The following ARHGEF4 variants were observed in gnomAD, a reference collection of about 807,000 sequenced individuals.
ARHGEF4 encodes Rho guanine nucleotide exchange factor 4.
A neutral mutation model predicts 162.0 loss-of-function variants in ARHGEF4; 119 were observed. The ratio of observed to expected loss-of-function variants is 0.73; its 90% CI spans 0.63 to 0.86. The LOEUF is 0.86. ARHGEF4 is among the 40% of genes least tolerant of loss of function. The pLI is 0.00. For synonymous variants in ARHGEF4, 1,014 were observed against 979.9 expected (o/e 1.03, Z -0.65); for missense variants, 2,488 against 2,456.0 (o/e 1.01, Z -0.28).
Position 130,916,838 on chromosome 2 carries a change from C to T in ARHGEF4, c.2892C>T (p.Pro964=). ...TGAAAAGCAAAGATGCCGGAAGCCC[C>T]AAAAAGCCCACCCTAGTGAGTCTGC... ...AFLKSKDAGS[P]KKPTLVSLPL... The change falls in exon 2 of 14, where the codon CCC becomes CCT. Residue 964 remains proline (P), a synonymous_variant. Transcript: ENST00000409359. The T allele has an allele frequency of 6.4e-7, 1 of 1,550,408 alleles. No individual in the cohort carries two copies. Among genetic ancestry groups the T allele is most frequent in the Non-Finnish European group, 8.7e-7 (1 of 1,146,974 alleles).
chr2:131,044,212 C>A, intron 11 of ARHGEF4, 87 bp from the exon 12 acceptor site: 1 of 1,548,938 alleles, frequency 6.5e-7, no homozygotes, highest in Non-Finnish European at 8.7e-7. Flanking sequence ...AGCAGCCCCT[C>A]CTATGGCTGG....
Position 130,915,397 on chromosome 2 carries a change from A to C in ARHGEF4, c.1451A>C (p.Asp484Ala), listed in dbSNP as rs1176531401. Residue 484 changes from aspartate to alanine, a missense_variant, in exon 2 of 14, where the codon GAT becomes GCT. This residue lies in a region of ARHGEF4 where 1,642 missense variants were observed against 1,481.5 expected (regional missense o/e 1.11). Coordinates refer to ENST00000409359, the MANE Select transcript of ARHGEF4 (RefSeq NM_001367493.1). The part of the protein sequence containing the change: ...QGTQLAPRAA[D>A]ERETQKHLWG... ...ACCCAACTCGCACCAAGAGCTGCTGATGAGAGAGAGACACAGAAGCACCTC... is the reference window on the plus strand; with the variant it reads ...ACCCAACTCGCACCAAGAGCTGCTGCTGAGAGAGAGACACAGAAGCACCTC... The C allele has an allele frequency of 6.4e-6, 10 of 1,550,518 alleles. No individual in the cohort carries two copies. Among genetic ancestry groups the C allele is most frequent in the Admixed American group, 2.0e-5 (1 of 50,980 alleles).
At chr2:130,945,339 T>C (rs1459374155) in intron 3 of ARHGEF4, among the ~76,000 whole-genome samples, 1 of 151,806 alleles carries the variant, frequency 6.6e-6, no homozygotes, top group African/African-American at 2.4e-5. Context: ...GAGACAGAGA[T>C]AGAAAAAAGA....
chr2:130,915,924 C>T lies in ARHGEF4; in HGVS notation c.1978C>T (p.Pro660Ser). Residue 660 changes from proline to serine, a missense_variant, in exon 2 of 14, where the codon CCT becomes TCT. Pro to Ser is a moderately conservative substitution (Grantham distance 74, BLOSUM62 -1). Around this residue, in one of 6 missense-constraint regions of ARHGEF4, gnomAD observed 1,642 missense variants for 1,481.5 expected, o/e 1.11. Transcript: ENST00000409359. The part of the protein sequence containing the change: ...PVPETLPRDF[P>S]KERPESPLST... ...TCCAGAAACACTGCCCCGTGACTTT[C>T]CTAAGGAAAGACCAGAATCTCCCTT... 6.4e-7 allele frequency: 1 copy of T among 1,550,576 alleles called. No individual in the cohort carries two copies. The highest frequency in any genetic ancestry group is 2.4e-5 in the East Asian group (1 of 40,918).
intron 4 of ARHGEF4, among the ~76,000 whole-genome samples, chr2:131,006,945 G>T (rs1688153781): frequency 6.6e-6 from 1 of 152,250 alleles, no homozygotes; most frequent in African/African-American, 2.4e-5. Flanking sequence ...GAGGTGGACT[G>T]TAGGTAAAAT....
intron 1 of ARHGEF4, among the ~76,000 whole-genome samples, chr2:130,876,586 G>C (rs1348269651): frequency 6.6e-6 from 1 of 152,084 alleles, no homozygotes; most frequent in Non-Finnish European, 1.5e-5. Context: ...TAGAGACGGG[G>C]TTTCACCATG....
At chr2:130,908,066 T>C (rs1680947176) in intron 1 of ARHGEF4, among the ~76,000 whole-genome samples, 1 of 152,214 alleles carries the variant, frequency 6.6e-6, no homozygotes, top group South Asian at 2.1e-4. Context: ...AGTTTTATGA[T>C]AAACTTCCTA....
chr2:131,012,130 T>G (rs1325359138), intron 4 of ARHGEF4, among the ~76,000 whole-genome samples: 2 of 151,832 alleles, frequency 1.3e-5, no homozygotes. Flanking sequence ...TTTGGGTGGG[T>G]GGTCAGGAGT....
chr2:131,010,818 T>C (rs1435063375), intron 4 of ARHGEF4, among the ~76,000 whole-genome samples: 1 of 152,172 alleles, frequency 6.6e-6, no homozygotes, highest in African/African-American at 2.4e-5. Flanking sequence ...ACTTGGGACA[T>C]AATGGAGGGA....
At chr2:130,886,189 A>G (rs936585096) in intron 1 of ARHGEF4, among the ~76,000 whole-genome samples, 2 of 151,618 alleles carry the variant, frequency 1.3e-5, no homozygotes, top group African/African-American at 4.9e-5. Context: ...GCCCTTATTT[A>G]TTTTATTCTT....
intron 4 of ARHGEF4, among the ~76,000 whole-genome samples, chr2:130,976,960 G>T (rs1228629373): frequency 6.6e-6 from 1 of 151,678 alleles, no homozygotes; most frequent in Non-Finnish European, 1.5e-5. Context: ...TGTGTGGTGT[G>T]TTAGTGTGCA....
In ARHGEF4 at chr2:131,028,994, C is replaced by T. The variant is rs560443740; in HGVS notation, c.4125+910C>T. 5.3e-5 allele frequency among the ~76,000 whole-genome samples: 8 copies of T among 152,302 alleles called. No homozygotes were observed. The South Asian group carries it at 1.5e-3, about 28-fold the overall frequency. ...AGTGAGGAGGGTGGCGTCCTCCTTA[C>T]CCACTGGACAGAGGAGTGGAATCAA... On this transcript the variant is annotated intron_variant, in intron 5 of 13. Transcript: ENST00000409359.
intron 1 of ARHGEF4, among the ~76,000 whole-genome samples, chr2:130,851,504 G>T (rs963403294): frequency 3.3e-5 from 5 of 152,236 alleles, no homozygotes; most frequent in African/African-American, 1.2e-4. Context: ...CACTGCCGAG[G>T]CCTGCCCTTC....
intron 1 of ARHGEF4, chr2:130,837,407 A>T: frequency 3.1e-6 from 1 of 326,924 alleles, no homozygotes; most frequent in African/African-American, 2.3e-5. Context: ...TTTGGGAAGG[A>T]GGGCTGGTGC....
intron 1 of ARHGEF4, among the ~76,000 whole-genome samples, chr2:130,887,970 T>TAA (rs2104979413): frequency 6.6e-6 from 1 of 152,232 alleles, no homozygotes; most frequent in Admixed American, 6.5e-5. Flanking sequence ...TCATGCTGTG[T>TAA]GCCTGGAAAT....
At chr2:131,031,544 G>GTGGGCCCCTGCATTGTCCCATA (rs1689852645) in intron 5 of ARHGEF4, among the ~76,000 whole-genome samples, 1 of 152,252 alleles carries the variant, frequency 6.6e-6, no homozygotes, top group African/African-American at 2.4e-5. Context: ...CCGTGTCTGT[G>GTGGGCCCCTGCATTGTCCCATA]TGGGCCCCTG....
At chr2:130,968,521 C>T (rs893341583) in intron 4 of ARHGEF4, among the ~76,000 whole-genome samples, 1 of 152,212 alleles carries the variant, frequency 6.6e-6, no homozygotes, top group Non-Finnish European at 1.5e-5. Context: ...GTTCTGGGTA[C>T]TGCATTGGAT....
chr2:131,015,545 G>A (rs758368239), intron 4 of ARHGEF4, among the ~76,000 whole-genome samples: 1 of 152,132 alleles, frequency 6.6e-6, no homozygotes, highest in Non-Finnish European at 1.5e-5. Context: ...CGGTTGTTCT[G>A]TACATCTAAA....
In ARHGEF4 at chr2:130,915,611, C is replaced by G. The variant is rs755157281; in HGVS notation, c.1665C>G (p.Thr555=). The G allele has an allele frequency of 6.4e-7, 1 of 1,550,404 alleles. No individual in the cohort carries two copies. Among genetic ancestry groups the G allele is most frequent in the African/African-American group, 1.4e-5 (1 of 73,012 alleles). Reference sequence around the variant, plus strand: ...GTGACAGTTCAGATGCCCCTGAGACCACCCAGAAATCAAGCGCAATAGACA... The same window carrying G: ...GTGACAGTTCAGATGCCCCTGAGACGACCCAGAAATCAAGCGCAATAGACA... ...EVSDSSDAPE[T]TQKSSAIDTS... Residue 555 remains threonine (T), a synonymous_variant, in exon 2 of 14, where the codon ACC becomes ACG. Transcript: ENST00000409359.
Sources: allele counts gnomAD v4.1 joint callset (sites outside exome capture counted in the v4.1 genomes callset), GRCh38; gene constraint gnomAD v4.1.1; regional missense constraint gnomAD v4.1.1; transcripts MANE v1.5; gene names NCBI Gene and HGNC (gene_info 2026-07-23, HGNC 2026-07-21).